The following RBM33 variants were observed in gnomAD, a reference collection of about 807,000 sequenced individuals.
The protein encoded by RBM33 is RNA binding motif protein 33.
Under a neutral mutation model 132.6 loss-of-function variants are expected in RBM33, and 28 were observed. The observed-to-expected ratio is 0.21, with a 90% CI of 0.16 to 0.29. The LOEUF (loss-of-function observed/expected upper bound fraction) is 0.29. Ranked by LOEUF, RBM33 falls within the 10% of genes least tolerant of loss-of-function variation. RBM33 has a pLI of 1.00. For missense variants in RBM33, 1,291 were observed against 1,518.5 expected (o/e 0.85, Z 2.49); for synonymous variants, 634 against 593.0 (o/e 1.07, Z -1.01).
At chr7:155,742,241 T>C in intron 13 of RBM33, 135 bp downstream of exon 13, 3 of 769,868 alleles carry the variant, frequency 3.9e-6, no homozygotes, top group Admixed American at 3.0e-5. Flanking sequence ...TTTTTTTTTT[T>C]TAACCTAACA....
chr7:155,717,628 A>C (rs1413837853), intron 8 of RBM33, among the ~76,000 whole-genome samples: 2 of 152,148 alleles, frequency 1.3e-5, no homozygotes, highest in Non-Finnish European at 2.9e-5. Context: ...ATTTTGCTGT[A>C]AGACGTAGCT....
At chr7:155,767,356 C>T (rs140518261) in intron 16 of RBM33, among the ~76,000 whole-genome samples, 97 of 152,338 alleles carry the variant, frequency 6.4e-4, no homozygotes, top group African/African-American at 2.2e-3. Context: ...ACGCACCGTG[C>T]GTCCCGTGGT....
At chr7:155,684,139 T>G (rs1312145392) in intron 5 of RBM33, among the ~76,000 whole-genome samples, 1 of 152,170 alleles carries the variant, frequency 6.6e-6, no homozygotes, top group Non-Finnish European at 1.5e-5. Flanking sequence ...CTGCTTTATT[T>G]GGGGGTTCTA....
chr7:155,779,225 G>C lies in RBM33; in HGVS notation c.*4184G>C, dbSNP rs1802728137. 6.7e-6 allele frequency: 1 copy of C among 148,570 alleles called. No individual in the cohort carries two copies. The highest frequency in any genetic ancestry group is 2.2e-4 in the South Asian group (1 of 4,618). 9.2% of individuals were successfully genotyped at this position (148,570 alleles called of 1,614,324 possible). On this transcript the variant is annotated 3_prime_UTR_variant, in exon 18 of 18. Coordinates refer to ENST00000401878, the MANE Select transcript of RBM33 (RefSeq NM_053043.3). ...TTTTTTTTTTTTTAATTTGGAGTGG[G>C]AGGGAGGGGGGTGGGCGAGAGAAAG...
chr7:155,781,157 T>G lies in RBM33; in HGVS notation c.*6116T>G, dbSNP rs73484005. The stretch of plus-strand genomic sequence containing the variant: ...GGGTGGCTCTGGTTGGGGGCGAAGC[T>G]GTGTTGACTGGGAGAGCGTTGGAAA... On this transcript the variant is annotated 3_prime_UTR_variant, in exon 18 of 18. Transcript: ENST00000401878. 13 of 152,976 alleles carry G rather than the reference T, an allele frequency of 8.5e-5. No homozygotes were observed. The East Asian group carries it at 2.3e-3, about 27-fold the overall frequency. The allele number at this position is 152,976 out of a possible 1,614,324, so 9.5% of individuals were successfully genotyped here. A position where few individuals can be genotyped will look rare whatever the true frequency, so the allele number is the denominator to read the frequency against.
chr7:155,644,731 G>T lies in RBM33; in HGVS notation c.-146G>T. The T allele has an allele frequency of 3.3e-6, 2 of 601,024 alleles. No homozygotes were observed. Among genetic ancestry groups the T allele is most frequent in the Non-Finnish European group, 5.4e-6 (2 of 371,904 alleles). The allele number at this position is 601,024 out of a possible 1,614,324, so 37.2% of individuals were successfully genotyped here. A position where few individuals can be genotyped will look rare whatever the true frequency, so the allele number is the denominator to read the frequency against. ...CTGCGGAGGCGAAGGGCCAGCTGTGGACCGCGAAGCGCCCGGCTTCGCCTC... is the reference window on the plus strand; with the variant it reads ...CTGCGGAGGCGAAGGGCCAGCTGTGTACCGCGAAGCGCCCGGCTTCGCCTC... On this transcript the variant is annotated 5_prime_UTR_variant, in exon 1 of 18. Coordinates refer to ENST00000401878, the MANE Select transcript of RBM33 (RefSeq NM_053043.3).
chr7:155,664,407 T>C (rs1269378723), intron 1 of RBM33, among the ~76,000 whole-genome samples: 1 of 151,258 alleles, frequency 6.6e-6, no homozygotes, highest in Non-Finnish European at 1.5e-5. Context: ...ACTACGGACG[T>C]GCACCTCCGT....
chr7:155,683,623 A>AG (rs1799395885), intron 5 of RBM33, among the ~76,000 whole-genome samples: 1 of 152,222 alleles, frequency 6.6e-6, no homozygotes, highest in Non-Finnish European at 1.5e-5. Context: ...CTGGACGCAC[A>AG]GCTCTGCTGT....
chr7:155,697,582 T>G (rs1226937511), intron 5 of RBM33, among the ~76,000 whole-genome samples: 2 of 150,494 alleles, frequency 1.3e-5, no homozygotes, highest in Non-Finnish European at 3.0e-5. Flanking sequence ...ATATATAGAT[T>G]TGTGTGTGTG....
intron 5 of RBM33, among the ~76,000 whole-genome samples, chr7:155,689,546 T>G (rs2116937820): frequency 6.6e-6 from 1 of 151,692 alleles, no homozygotes; most frequent in South Asian, 2.1e-4. Context: ...GCTTCTCAAG[T>G]TCTTTTAATT....
In RBM33 at chr7:155,706,969, G is replaced by A. The variant is rs1436627802; in HGVS notation, c.849G>A (p.Leu283=). ...SRRGGRRGGP[L]MCRGVGDQRR... is the part of the protein sequence containing the mutation. ...GGGGAGGACGGCGAGGAGGTCCGCT[G>A]ATGTGTCGTGGTGTGGGGGACCAGA... Residue 283 remains leucine (L), a synonymous_variant, in exon 7 of 18, where the codon CTG becomes CTA. Transcript: ENST00000401878. 1 of 1,599,448 alleles carries A rather than the reference G, an allele frequency of 6.3e-7. No individual in the cohort carries two copies. Among genetic ancestry groups the A allele is most frequent in the South Asian group, 1.1e-5 (1 of 87,874 alleles).
At chr7:155,721,498 A>G (rs1800624578) in intron 9 of RBM33, among the ~76,000 whole-genome samples, 1 of 152,238 alleles carries the variant, frequency 6.6e-6, no homozygotes, top group Non-Finnish European at 1.5e-5. Flanking sequence ...TAACTATACA[A>G]GAATGCAGCT....
chr7:155,745,955 A>C lies in RBM33; in HGVS notation c.2979+353A>C, dbSNP rs1169922685. On this transcript the variant is annotated intron_variant, in intron 14 of 17. Transcript: ENST00000401878. This position sits in a 1 kb window ranked among gnomAD's most constrained non-coding sequence, Gnocchi z 4.1. ...TGAATACTATAGGCAGTTGTCACAC[A>C]ATGATGAGTAGTTGTGTGTCGAAAT... 9.3e-5 allele frequency among the ~76,000 whole-genome samples: 14 copies of C among 150,988 alleles called. No individual in the cohort carries two copies. The highest frequency in any genetic ancestry group is 3.2e-4 in the African/African-American group (13 of 40,266).
intron 13 of RBM33, among the ~76,000 whole-genome samples, chr7:155,742,307 A>ATTTC (rs201689933): frequency 6.7e-6 from 1 of 150,128 alleles, no homozygotes; most frequent in South Asian, 2.1e-4. Context: ...ATTAGAGTTT[A>ATTTC]TATATTTGTA....
intron 6 of RBM33, among the ~76,000 whole-genome samples, chr7:155,704,468 C>A (rs1563152109): frequency 6.6e-6 from 1 of 152,080 alleles, no homozygotes; most frequent in Non-Finnish European, 1.5e-5. Flanking sequence ...ACAGAGTAGG[C>A]ATGTGTAAGG....
intron 14 of RBM33, among the ~76,000 whole-genome samples, chr7:155,752,902 C>T (rs1801730136): frequency 6.6e-6 from 1 of 152,188 alleles, no homozygotes. Context: ...CCGATCTTCT[C>T]ATCTGACCGT....
intron 2 of RBM33, among the ~76,000 whole-genome samples, chr7:155,668,581 C>T (rs1411241239): frequency 6.6e-6 from 1 of 152,104 alleles, no homozygotes; most frequent in Non-Finnish European, 1.5e-5. Context: ...CGTGGTGATA[C>T]CTCTGCTTTT....
intron 13 of RBM33, 78 bp downstream of exon 13, chr7:155,742,184 C>T: frequency 7.6e-7 from 1 of 1,320,120 alleles, no homozygotes; most frequent in South Asian, 1.6e-5. Context: ...TTAGTTCACT[C>T]TCACTAAGTT....
intron 7 of RBM33, among the ~76,000 whole-genome samples, chr7:155,707,803 C>T (rs1299680652): frequency 6.6e-6 from 1 of 152,160 alleles, no homozygotes; most frequent in African/African-American, 2.4e-5. Flanking sequence ...ATTACAGGCA[C>T]TTACCACCAC....
Sources: gnomAD v4.1 joint callset for allele counts (sites outside exome capture counted in the v4.1 genomes callset) on GRCh38, gnomAD v4.1.1 for gene constraint, Gnocchi (gnomAD v3.1) non-coding constraint, MANE v1.5 for transcripts, NCBI Gene and HGNC (gene_info 2026-07-23, HGNC 2026-07-21) for gene names.